PLEKHG7: variants seen among roughly 807,000 people sequenced by gnomAD.
PLEKHG7 encodes pleckstrin homology and RhoGEF domain containing G7.
In PLEKHG7, 77 loss-of-function variants were observed where a neutral mutation model predicts 85.2. That is an observed-to-expected ratio of 0.90 (90% CI 0.75 to 1.09). The LOEUF is 1.09. Among genes scored for constraint, PLEKHG7 ranks in the 50% least tolerant of loss-of-function variants. PLEKHG7 has a pLI of 0.00. For synonymous variants in PLEKHG7, 301 were observed against 302.4 expected, an observed-to-expected ratio of 1.00 and a Z score of 0.05; for missense variants, 777 against 804.3, an observed-to-expected ratio of 0.97 and a Z score of 0.41.
intron 7 of PLEKHG7, among the ~76,000 whole-genome samples, chr12:92,738,548 T>G (rs1872250642): frequency 6.6e-6 from 1 of 152,228 alleles, no homozygotes; most frequent in Admixed American, 6.5e-5. Context: ...TCAGGCTATA[T>G]AGTTTTTGTT....
chr12:92,767,783 C>T (rs970384050), intron 15 of PLEKHG7, among the ~76,000 whole-genome samples: 1 of 152,156 alleles, frequency 6.6e-6, no homozygotes, highest in Non-Finnish European at 1.5e-5. Flanking sequence ...TGACAGCAGA[C>T]AAGCATCAGC....
chr12:92,728,683 A>G (rs948280628), intron 3 of PLEKHG7, among the ~76,000 whole-genome samples: 1 of 152,024 alleles, frequency 6.6e-6, no homozygotes, highest in African/African-American at 2.4e-5. Context: ...TGACTTTGCT[A>G]TGGTGAATAG....
intron 15 of PLEKHG7, among the ~76,000 whole-genome samples, chr12:92,765,126 GTGAA>G (rs1315058886): frequency 6.6e-6 from 1 of 152,104 alleles, no homozygotes; most frequent in African/African-American, 2.4e-5. Context: ...ACCTTAAAGA[GTGAA>G]TGAATGAATA....
At chr12:92,733,497 T>C in intron 5 of PLEKHG7, among the ~76,000 whole-genome samples, 1 of 152,210 alleles carries the variant, frequency 6.6e-6, no homozygotes, top group East Asian at 1.9e-4. Flanking sequence ...AGTAAAATGG[T>C]AACACCATTG....
chr12:92,759,707 C>T (rs1872932034), intron 13 of PLEKHG7, among the ~76,000 whole-genome samples: 1 of 152,178 alleles, frequency 6.6e-6, no homozygotes, highest in Non-Finnish European at 1.5e-5. Flanking sequence ...CTGAATCGAC[C>T]AGCACCTTGA....
In PLEKHG7 at chr12:92,764,117, G is replaced by A. The variant is rs1042920410; in HGVS notation, c.1793G>A (p.Gly598Asp). ...PELQAVIKEG[G>D]SCTVLDQPIP... ...TTGCAAGCAGTAATAAAAGAGGGTG[G>A]TTCGTGTACAGTACTCGATCAGCCT... Residue 598 changes from glycine (G) to aspartate (D), a missense_variant, in exon 15 of 17, where the codon GGT (glycine) becomes GAT (aspartate). Gly to Asp is a moderately conservative substitution (Grantham distance 94, BLOSUM62 -1). This residue lies in a region of PLEKHG7 where 520 missense variants were observed against 544.0 expected (regional missense o/e 0.96). Coordinates refer to ENST00000344636, the MANE Select transcript of PLEKHG7 (RefSeq NM_001377329.1). 1.2e-6 allele frequency: 2 copies of A among 1,612,792 alleles called. No individual in the cohort carries two copies. Among genetic ancestry groups the A allele is most frequent in the Admixed American group, 1.7e-5 (1 of 59,914 alleles).
chr12:92,713,301 C>T (rs971740350), intron 3 of PLEKHG7, among the ~76,000 whole-genome samples: 6 of 152,148 alleles, frequency 3.9e-5, no homozygotes, highest in African/African-American at 1.4e-4. Flanking sequence ...GTCCATTCAA[C>T]CTAGAAGTTT....
At chr12:92,754,378 T>A in intron 11 of PLEKHG7, 114 bp downstream of exon 11, 1 of 1,014,950 alleles carries the variant, frequency 9.9e-7, no homozygotes. Context: ...TCATGGCTCT[T>A]GGAAATGTGG....
In PLEKHG7 at chr12:92,743,568, G is replaced by C. The variant is rs116780397; in HGVS notation, c.1138-1910G>C. On this transcript the variant is annotated intron_variant, in intron 9 of 16. Transcript: ENST00000344636. ...GACTCTATTTTTGGTGGGGGAGGGGGTGGTGGGGGTGATCAGAGTCTTGCT... is the reference window on the plus strand; with the variant it reads ...GACTCTATTTTTGGTGGGGGAGGGGCTGGTGGGGGTGATCAGAGTCTTGCT... 1.9e-3 allele frequency among the ~76,000 whole-genome samples: 294 copies of C among 151,672 alleles called. 1 individual carries two copies. The highest frequency in any genetic ancestry group is 6.8e-3 in the African/African-American group (282 of 41,310).
chr12:92,743,462 G>A (rs1256859434), intron 9 of PLEKHG7, among the ~76,000 whole-genome samples: 1 of 152,112 alleles, frequency 6.6e-6, no homozygotes, highest in African/African-American at 2.4e-5. Context: ...TAGAAACTGA[G>A]GCTTAGAGAG....
chr12:92,768,540 T>G (rs1873287448), intron 15 of PLEKHG7, among the ~76,000 whole-genome samples: 1 of 152,200 alleles, frequency 6.6e-6, no homozygotes, highest in Admixed American at 6.5e-5. Flanking sequence ...TTATAAACCT[T>G]GGTTGGATGT....
intron 3 of PLEKHG7, among the ~76,000 whole-genome samples, chr12:92,717,003 G>A (rs924731323): frequency 6.6e-6 from 1 of 152,164 alleles, no homozygotes; most frequent in Non-Finnish European, 1.5e-5. Flanking sequence ...AAACTGTGTT[G>A]GTGGAAATTT....
chr12:92,724,280 A>G (rs527325036), intron 3 of PLEKHG7, among the ~76,000 whole-genome samples: 2 of 152,292 alleles, frequency 1.3e-5, no homozygotes, highest in South Asian at 4.1e-4. Context: ...TTCTCATTCA[A>G]ATTATTTTAA....
At chr12:92,753,621 C>G (rs1478138515) in intron 10 of PLEKHG7, among the ~76,000 whole-genome samples, 1 of 152,198 alleles carries the variant, frequency 6.6e-6, no homozygotes, top group African/African-American at 2.4e-5. Flanking sequence ...CTTCTATCTT[C>G]TATTTTCATT....
intron 14 of PLEKHG7, among the ~76,000 whole-genome samples, chr12:92,763,543 G>A (rs1433840612): frequency 6.6e-6 from 1 of 152,138 alleles, no homozygotes; most frequent in Non-Finnish European, 1.5e-5. Context: ...TGCTGGACAT[G>A]GTAGCTCACT....
intron 9 of PLEKHG7, among the ~76,000 whole-genome samples, chr12:92,745,046 G>T (rs954398159): frequency 1.3e-5 from 2 of 152,164 alleles, no homozygotes; most frequent in Non-Finnish European, 2.9e-5. Context: ...CAGATGAAAA[G>T]TTAAGTGTCC....
intron 3 of PLEKHG7, among the ~76,000 whole-genome samples, chr12:92,714,943 A>T (rs1871436945): frequency 6.6e-6 from 1 of 151,856 alleles, no homozygotes; most frequent in South Asian, 2.1e-4. Flanking sequence ...CATCCTTAAT[A>T]CTCTGTTCCT....
intron 10 of PLEKHG7, among the ~76,000 whole-genome samples, chr12:92,751,143 A>G (rs752883917): frequency 2.2e-4 from 34 of 152,358 alleles, no homozygotes; most frequent in Non-Finnish European, 2.9e-4. Context: ...GTTGTTTACA[A>G]CAGAGCATTG....
At chr12:92,728,498 A>C (rs1871888326) in intron 3 of PLEKHG7, among the ~76,000 whole-genome samples, 1 of 150,682 alleles carries the variant, frequency 6.6e-6, no homozygotes, top group East Asian at 1.9e-4. Context: ...GGTGGTGTAT[A>C]TATAAATATA....
Sources: gnomAD v4.1 joint callset for allele counts (sites outside exome capture counted in the v4.1 genomes callset) on GRCh38, gnomAD v4.1.1 for gene constraint, gnomAD v4.1.1 regional missense constraint, MANE v1.5 for transcripts, NCBI Gene and HGNC (gene_info 2026-07-23, HGNC 2026-07-21) for gene names.